ZNF354B: variants seen among roughly 807,000 people sequenced by gnomAD.
The protein encoded by ZNF354B is zinc finger protein 354B.
Under a neutral mutation model 12.9 loss-of-function variants are expected in ZNF354B, and 10 were observed. The ratio of observed to expected loss-of-function variants is 0.77; its 90% CI spans 0.48 to 1.31. The LOEUF is 1.31. ZNF354B is among the 40% of genes most tolerant of loss of function. ZNF354B has a pLI of 0.00. For synonymous variants in ZNF354B, 260 were observed against 243.7 expected (o/e 1.07, Z -0.62); for missense variants, 614 against 711.7 (o/e 0.86, Z 1.56).
At chr5:178,868,863 T>G (rs1463621256) in intron 4 of ZNF354B, among the ~76,000 whole-genome samples, 3 of 151,324 alleles carry the variant, frequency 2.0e-5, no homozygotes, top group Admixed American at 6.6e-5. Flanking sequence ...TCCCAGCTAC[T>G]CGGGAGACTG....
chr5:178,882,893 C>G lies in ZNF354B; in HGVS notation c.441C>G (p.Ala147=). ...KNENLQIISV[A]HTKILTVDRS... ...AAAATTTACAAATAATTTCAGTTGC[C>G]CATACAAAAATCCTTACTGTAGATA... Residue 147 remains alanine, a synonymous_variant, in exon 5 of 5, where the codon GCC becomes GCG. Coordinates refer to ENST00000322434, the MANE Select transcript of ZNF354B (RefSeq NM_058230.3). The G allele has an allele frequency of 1.3e-6, 2 of 1,598,108 alleles. No individual in the cohort carries two copies. Among genetic ancestry groups the G allele is most frequent in the Non-Finnish European group, 1.7e-6 (2 of 1,176,188 alleles).
intron 4 of ZNF354B, among the ~76,000 whole-genome samples, chr5:178,876,461 A>G (rs907506507): frequency 1.1e-4 from 16 of 152,210 alleles, no homozygotes; most frequent in Non-Finnish European, 1.5e-4. Context: ...CAGAGCTGCT[A>G]CTGGCCCGAG....
intron 4 of ZNF354B, 32 bp from the exon 5 acceptor site, chr5:178,882,677 T>TG: frequency 6.6e-7 from 1 of 1,520,070 alleles, no homozygotes; most frequent in Middle Eastern, 2.4e-4. Flanking sequence ...ACATGAATCA[T>TG]GGGCTGTTGC....
Position 178,883,041 on chromosome 5 carries a change from C to A in ZNF354B, c.589C>A (p.Gln197Lys). 1.2e-6 allele frequency: 2 copies of A among 1,606,960 alleles called. No homozygotes were observed. Among genetic ancestry groups the A allele is most frequent in the South Asian group, 1.1e-5 (1 of 88,602 alleles). ...TGAAATACAAAGAAATAGTTTCAAGCAGAATTCAAATTTACTTAACCAATC... is the reference window on the plus strand; with the variant it reads ...TGAAATACAAAGAAATAGTTTCAAGAAGAATTCAAATTTACTTAACCAATC... Reference protein sequence around the residue: ...KCEIQRNSFKQNSNLLNQSKI... With the variant: ...KCEIQRNSFKKNSNLLNQSKI... Residue 197 changes from glutamine to lysine, a missense_variant, in exon 5 of 5, where the codon CAG becomes AAG. By Grantham distance (53) the Gln-to-Lys change is moderately conservative. Transcript: ENST00000322434.
At chr5:178,877,594 G>C (rs186446156) in intron 4 of ZNF354B, among the ~76,000 whole-genome samples, 1 of 152,182 alleles carries the variant, frequency 6.6e-6, no homozygotes, top group African/African-American at 2.4e-5. Context: ...AAAAATGGCA[G>C]CCTGCATTTG....
chr5:178,865,114 G>A (rs1369936402), intron 2 of ZNF354B, among the ~76,000 whole-genome samples: 1 of 152,150 alleles, frequency 6.6e-6, no homozygotes, highest in Non-Finnish European at 1.5e-5. Context: ...AGCCCGATAT[G>A]GTTTTAAGTG....
In ZNF354B at chr5:178,866,993, C is replaced by A; in HGVS notation, c.178C>A (p.Pro60Thr). ...LVSLGLSFTK[P>T]KVISLLQQGE... ...ATGTGCAGGACTCTCATTTACCAAA[C>A]CAAAAGTCATCTCCCTGTTGCAGCA... The change falls in exon 4 of 5, where the codon CCA becomes ACA. Residue 60 changes from proline (P) to threonine (T), a missense_variant. Transcript: ENST00000322434. 6.2e-7 allele frequency: 1 copy of A among 1,614,016 alleles called. No homozygotes were observed. Among genetic ancestry groups the A allele is most frequent in the South Asian group, 1.1e-5 (1 of 91,074 alleles).
chr5:178,882,671 G>C, intron 4 of ZNF354B, 38 bp from the exon 5 acceptor site: 1 of 1,509,522 alleles, frequency 6.6e-7, no homozygotes, highest in African/African-American at 1.4e-5. Context: ...CCAATCACAT[G>C]AATCATGGGC....
At chr5:178,866,782 C>T (rs1757464808) in intron 3 of ZNF354B, among the ~76,000 whole-genome samples, 194 bp from the exon 4 acceptor site, 2 of 152,132 alleles carry the variant, frequency 1.3e-5, no homozygotes, top group Admixed American at 6.5e-5. Flanking sequence ...AAAAGGGAAT[C>T]ATACGATGTT....
intron 1 of ZNF354B, chr5:178,860,625 G>C (rs1479205575): frequency 5.9e-6 from 1 of 168,274 alleles, no homozygotes; most frequent in African/African-American, 2.4e-5. Context: ...TGGGAGTCCC[G>C]GCCCGCCTCG....
At chr5:178,863,610 CTTG>C (rs1334800958) in intron 2 of ZNF354B, among the ~76,000 whole-genome samples, 1 of 152,146 alleles carries the variant, frequency 6.6e-6, no homozygotes, top group East Asian at 1.9e-4. Context: ...TTGTACTATT[CTTG>C]TTATTTTACA....
At chr5:178,878,911 G>C (rs1350837495) in intron 4 of ZNF354B, among the ~76,000 whole-genome samples, 1 of 152,078 alleles carries the variant, frequency 6.6e-6, no homozygotes, top group Non-Finnish European at 1.5e-5. Context: ...ATATTGGTCA[G>C]GCTGGTCTCG....
intron 4 of ZNF354B, among the ~76,000 whole-genome samples, chr5:178,872,377 A>C (rs1240569817): frequency 1.3e-5 from 2 of 152,186 alleles, no homozygotes; most frequent in Admixed American, 6.5e-5. Flanking sequence ...TAGTTTGTAT[A>C]GCCATTCCCT....
chr5:178,862,140 C>T (rs1561665015), intron 2 of ZNF354B, among the ~76,000 whole-genome samples: 1 of 152,036 alleles, frequency 6.6e-6, no homozygotes, highest in Non-Finnish European at 1.5e-5. Context: ...GGGCTGAGGG[C>T]TTTACATTTG....
chr5:178,883,854 T>C lies in ZNF354B; in HGVS notation c.1402T>C (p.Cys468Arg). Residue 468 changes from cysteine to arginine, a missense_variant, in exon 5 of 5, where the codon TGT becomes CGT. By Grantham distance (180) the Cys-to-Arg change is radical (BLOSUM62 -3). Transcript: ENST00000322434. ...TCATACTGGAGAAAAACCATGTAAA[T>C]GTAAAGTATGTGGAAAAGCCTTCAG... is the stretch of plus-strand genomic sequence containing the variant. ...RIHTGEKPCK[C>R]KVCGKAFRQS... The C allele has an allele frequency of 2.5e-6, 4 of 1,614,070 alleles. No homozygotes were observed. Among genetic ancestry groups the C allele is most frequent in the Non-Finnish European group, 3.4e-6 (4 of 1,179,984 alleles).
intron 3 of ZNF354B, among the ~76,000 whole-genome samples, chr5:178,866,698 CCTT>C (rs112663987): frequency 0.15 from 22,512 of 152,018 alleles, 2,028 homozygotes; most frequent in African/African-American, 0.25. Flanking sequence ...CTTACCTCAT[CCTT>C]CTTCATCGAC....
intron 4 of ZNF354B, among the ~76,000 whole-genome samples, chr5:178,874,682 C>G (rs140641179): frequency 2.7e-4 from 41 of 152,234 alleles, no homozygotes; most frequent in Admixed American, 5.2e-4. Flanking sequence ...TTTCAACTTT[C>G]TCTTGAATCT....
chr5:178,860,297 G>C (rs1757325552), intron 1 of ZNF354B, among the ~76,000 whole-genome samples, 170 bp downstream of exon 1: 1 of 151,894 alleles, frequency 6.6e-6, no homozygotes, highest in South Asian at 2.1e-4. Context: ...CTCCGGTGCC[G>C]CTGCCGACGC....
rs1757451460 is a variant in ZNF354B at position 178,866,248 on chromosome 5, C to T, written c.38C>T (p.Ser13Leu). 6.8e-6 allele frequency: 11 copies of T among 1,613,876 alleles called. No homozygotes were observed. The highest frequency in any genetic ancestry group is 1.7e-5 in the Admixed American group (1 of 59,990). Residue 13 changes from serine (S) to leucine (L), a missense_variant, in exon 3 of 5, where the codon TCA (serine) becomes TTA (leucine). Coordinates refer to ENST00000322434, the MANE Select transcript of ZNF354B (RefSeq NM_058230.3). ...TGGAACGACTTGTCCTTACAGGTGT[C>T]ACTGACATTCGAGGACGTGGCTGTG... ...AGQREARPQV[S>L]LTFEDVAVLF... is the part of the protein sequence containing the mutation.
Sources: gnomAD v4.1 joint callset for allele counts (sites outside exome capture counted in the v4.1 genomes callset) on GRCh38, gnomAD v4.1.1 for gene constraint, MANE v1.5 for transcripts, NCBI Gene and HGNC (gene_info 2026-07-23, HGNC 2026-07-21) for gene names.